Variants in NELL1 observed in about 807,000 individuals in gnomAD.
The protein encoded by NELL1 is neural EGFL like 1.
In NELL1, 76 loss-of-function variants were observed where a neutral mutation model predicts 107.4. That is an observed-to-expected ratio of 0.71 (90% CI 0.59 to 0.86). NELL1 has a LOEUF of 0.86. NELL1 is among the 40% of genes least tolerant of loss of function. The pLI, the probability that NELL1 is intolerant of heterozygous loss-of-function variation, is 0.00. For synonymous variants in NELL1, 353 were observed against 341.2 expected (o/e 1.03, Z -0.38); for missense variants, 1,024 against 1,005.5 (o/e 1.02, Z -0.25).
intron 11 of NELL1, among the ~76,000 whole-genome samples, chr11:20,953,382 C>T (rs1189164698): frequency 3.9e-5 from 6 of 152,160 alleles, no homozygotes; most frequent in African/African-American, 9.6e-5. Context: ...TGAATCATAA[C>T]GATGTATGTC....
intron 15 of NELL1, among the ~76,000 whole-genome samples, chr11:21,381,791 A>C: frequency 6.6e-6 from 1 of 151,672 alleles, no homozygotes; most frequent in East Asian, 1.9e-4. Context: ...GTAACATCTT[A>C]TCAAGCTAAC....
At chr11:20,898,862 C>A in intron 5 of NELL1, among the ~76,000 whole-genome samples, 1 of 151,904 alleles carries the variant, frequency 6.6e-6, no homozygotes, top group East Asian at 1.9e-4. Context: ...CTAGGGAAGT[C>A]TCCTAGTTTT....
At chr11:21,451,185 T>TAAAAAAAAAAAAAAAAAAAAAAAAA (rs35257979) in intron 15 of NELL1, among the ~76,000 whole-genome samples, 7 of 101,534 alleles carry the variant, frequency 6.9e-5, no homozygotes, top group East Asian at 2.9e-4. Flanking sequence ...AGACTCCGTC[T>TAAAAAAAAAAAAAAAAAAAAAAAAA]AAAAAAAAAA....
intron 13 of NELL1, among the ~76,000 whole-genome samples, chr11:21,203,550 G>A (rs923996131): frequency 6.6e-6 from 1 of 151,460 alleles, no homozygotes; most frequent in Non-Finnish European, 1.5e-5. Context: ...CACACTGATG[G>A]GTCTTGACTT....
chr11:20,971,457 T>G (rs1195585001), intron 12 of NELL1, among the ~76,000 whole-genome samples: 3 of 152,154 alleles, frequency 2.0e-5, no homozygotes, highest in Admixed American at 6.6e-5. Flanking sequence ...ACTTTTTTGG[T>G]TATTTAAAAA....
At chr11:21,107,297 A>G (rs1854993173) in intron 12 of NELL1, among the ~76,000 whole-genome samples, 1 of 151,978 alleles carries the variant, frequency 6.6e-6, no homozygotes, top group African/African-American at 2.4e-5. Flanking sequence ...GGATTTTTAT[A>G]AGTTCAAATC....
intron 14 of NELL1, among the ~76,000 whole-genome samples, chr11:21,230,684 C>A (rs532145987): frequency 6.6e-5 from 10 of 152,108 alleles, no homozygotes; most frequent in Admixed American, 6.5e-4. Context: ...TAATTTACAA[C>A]GACTAAGTCA....
intron 15 of NELL1, among the ~76,000 whole-genome samples, chr11:21,438,279 C>G (rs74775329): frequency 0.019 from 2,737 of 147,370 alleles, 37 homozygotes; most frequent in Non-Finnish European, 0.03. Context: ...TTGTTTGTTT[C>G]TTTGTTTCAG....
intron 9 of NELL1, among the ~76,000 whole-genome samples, chr11:20,933,009 A>G (rs929592729): frequency 6.6e-6 from 1 of 152,262 alleles, no homozygotes; most frequent in African/African-American, 2.4e-5. Flanking sequence ...AGGTAAGAAC[A>G]TAACTGCCAG....
chr11:21,022,031 C>G (rs557964324), intron 12 of NELL1, among the ~76,000 whole-genome samples: 7 of 152,186 alleles, frequency 4.6e-5, no homozygotes, highest in African/African-American at 1.4e-4. Context: ...CCAGTCACAT[C>G]CCCTGCCCCA....
chr11:21,534,346 G>A lies in NELL1; in HGVS notation c.1646-28G>A, dbSNP rs984671622. 6 of 1,613,152 alleles carry A rather than the reference G, an allele frequency of 3.7e-6. No homozygotes were observed. The Admixed American group carries it at 5.0e-5, about 13-fold the overall frequency. On this transcript the variant is annotated intron_variant, in intron 15 of 19. Transcript: ENST00000357134. Reference sequence around the variant, plus strand: ...TAGTGTCAAAAGAAATTAATATCCTGGTGGGCTTGTGTTTTTCTCTGAGGC... The same window carrying A: ...TAGTGTCAAAAGAAATTAATATCCTAGTGGGCTTGTGTTTTTCTCTGAGGC...
chr11:20,757,422 T>C (rs1856321654), intron 2 of NELL1, among the ~76,000 whole-genome samples: 1 of 152,224 alleles, frequency 6.6e-6, no homozygotes, highest in Non-Finnish European at 1.5e-5. Context: ...GAGACTCAGC[T>C]GCTTACAGCC....
In NELL1 at chr11:21,567,928, A is replaced by G. The variant is rs75536481; in HGVS notation, c.1981-2836A>G. On this transcript the variant is annotated intron_variant, in intron 17 of 19. Coordinates refer to ENST00000357134, the MANE Select transcript of NELL1 (RefSeq NM_006157.5). ...CCTAAACAGCCAACTGCCCAAGATG[A>G]GATAAGGCTTAATGAGGTTTTAGTC... Among the ~76,000 whole-genome samples, 840 of 152,006 alleles carry G rather than the reference A, an allele frequency of 5.5e-3. 10 individuals are homozygous for G. Among genetic ancestry groups the G allele is most frequent in the African/African-American group, 0.019 (805 of 41,534 alleles).
intron 1 of NELL1, among the ~76,000 whole-genome samples, chr11:20,672,109 A>G (rs570411982): frequency 6.6e-6 from 1 of 152,340 alleles, no homozygotes; most frequent in East Asian, 1.9e-4. Context: ...AGACGGGGGA[A>G]TTACCTCTCA....
intron 3 of NELL1, among the ~76,000 whole-genome samples, chr11:20,785,884 A>AT (rs11433394): frequency 0.29 from 43,414 of 150,538 alleles, 6,996 homozygotes; most frequent in African/African-American, 0.43. Flanking sequence ...TCTCTTTTGG[A>AT]TTTTTTTTTC....
Position 21,228,879 on chromosome 11 carries a change from A to G in NELL1, c.1427-453A>G, listed in dbSNP as rs546696583. ...TTTTGAGCTCTTCTGCACATTGTAC[A>G]ATGCTTAGCAGCATTCCTGGCCTTT... On this transcript the variant is annotated intron_variant, in intron 13 of 19. Transcript: ENST00000357134. 6.0e-3 allele frequency among the ~76,000 whole-genome samples: 903 copies of G among 151,550 alleles called. 5 individuals are homozygous for G. The highest frequency in any genetic ancestry group is 0.022 in the South Asian group (107 of 4,786).
At chr11:21,258,041 A>G (rs1485404916) in intron 14 of NELL1, among the ~76,000 whole-genome samples, 2 of 152,050 alleles carry the variant, frequency 1.3e-5, no homozygotes, top group African/African-American at 4.8e-5. Flanking sequence ...GTAAGTGCTC[A>G]ACTACAGGAG....
At chr11:20,955,575 A>C (rs1256841380) in intron 11 of NELL1, among the ~76,000 whole-genome samples, 1 of 152,192 alleles carries the variant, frequency 6.6e-6, no homozygotes, top group African/African-American at 2.4e-5. Context: ...TGTTGAAAAT[A>C]TCATCATCAT....
At chr11:21,204,368 A>G (rs938938746) in intron 13 of NELL1, among the ~76,000 whole-genome samples, 20 of 151,772 alleles carry the variant, frequency 1.3e-4, no homozygotes, top group Middle Eastern at 3.4e-3. Context: ...TTGATCTTCA[A>G]TCTCTGATAT....
Sources: gnomAD v4.1 joint callset for allele counts (sites outside exome capture counted in the v4.1 genomes callset) on GRCh38, gnomAD v4.1.1 for gene constraint, MANE v1.5 for transcripts, NCBI Gene and HGNC (gene_info 2026-07-23, HGNC 2026-07-21) for gene names.